Variants in HERPUD2 observed in about 807,000 individuals in gnomAD.
The protein encoded by HERPUD2 is HERPUD family member 2, also known as homocysteine-responsive endoplasmic reticulum-resident ubiquitin-like domain member 2 protein.
Under a neutral mutation model 49.9 loss-of-function variants are expected in HERPUD2, and 13 were observed. That is an observed-to-expected ratio of 0.26 (90% CI 0.17 to 0.41). HERPUD2 has a LOEUF of 0.41. Among genes scored for constraint, HERPUD2 ranks in the 10% least tolerant of loss-of-function variants. The pLI, the probability that HERPUD2 is intolerant of heterozygous loss-of-function variation, is 1.00. For synonymous variants in HERPUD2, 172 were observed against 171.4 expected, an observed-to-expected ratio of 1.00 and a Z score of -0.03; for missense variants, 449 against 492.2, an observed-to-expected ratio of 0.91 and a Z score of 0.83.
chr7:35,694,656 G>T, intron 1 of HERPUD2, 29 bp from the exon 2 acceptor site: 1 of 303,696 alleles, frequency 3.3e-6, no homozygotes, highest in South Asian at 4.1e-5. Flanking sequence ...GGAGGGATGA[G>T]GGCACAACGG....
chr7:35,687,434 T>C (rs1786087412), intron 2 of HERPUD2, among the ~76,000 whole-genome samples: 1 of 152,194 alleles, frequency 6.6e-6, no homozygotes, highest in Admixed American at 6.5e-5. Flanking sequence ...AAATGAAGCC[T>C]GGTCACAGAT....
intron 5 of HERPUD2, among the ~76,000 whole-genome samples, chr7:35,643,039 T>C (rs1784991428): frequency 6.6e-6 from 1 of 152,284 alleles, no homozygotes; most frequent in South Asian, 2.1e-4. Flanking sequence ...ATATGAAATA[T>C]GGAAAAAAAC....
At chr7:35,653,414 A>G (rs893851843) in intron 5 of HERPUD2, among the ~76,000 whole-genome samples, 1 of 152,262 alleles carries the variant, frequency 6.6e-6, no homozygotes, top group Non-Finnish European at 1.5e-5. Context: ...CAGACCACTC[A>G]GCTCTATCAA....
chr7:35,640,427 T>A (rs1157983091), intron 5 of HERPUD2, among the ~76,000 whole-genome samples: 1 of 152,204 alleles, frequency 6.6e-6, no homozygotes, highest in Non-Finnish European at 1.5e-5. Context: ...TAACCATTAC[T>A]TTTTTAAAAA....
At position 35,684,402 on chromosome 7, in the gene HERPUD2, G is replaced by T. The variant is rs369715361; in HGVS notation, c.147+9782C>A. On this transcript the variant is annotated intron_variant, in intron 2 of 8. Coordinates refer to ENST00000311350, the MANE Select transcript of HERPUD2 (RefSeq NM_022373.5). ...AAGACTCCACCTCAAAAAAGAAAAA[G>T]AAAAAAAAAAAAGATACTTGCACAA... 2.5e-4 allele frequency among the ~76,000 whole-genome samples: 32 copies of T among 128,732 alleles called. 1 individual carries two copies. The highest frequency in any genetic ancestry group is 4.7e-4 in the South Asian group (2 of 4,244). The allele number at this position is 128,732 out of a possible 152,430, so 84.5% of individuals were successfully genotyped here. A position where few individuals can be genotyped will look rare whatever the true frequency, so the allele number is the denominator to read the frequency against.
chr7:35,642,767 G>C (rs1392578584), intron 5 of HERPUD2, among the ~76,000 whole-genome samples: 1 of 152,146 alleles, frequency 6.6e-6, no homozygotes, highest in Non-Finnish European at 1.5e-5. Flanking sequence ...AGAACACATG[G>C]ACACAAAGAG....
chr7:35,694,127 T>C (rs1786260627), intron 2 of HERPUD2, 57 bp downstream of exon 2: 1 of 1,591,672 alleles, frequency 6.3e-7, no homozygotes, highest in African/African-American at 1.3e-5. Flanking sequence ...AAAAGGAGGG[T>C]ACACGGCACG....
chr7:35,694,542 T>G lies in HERPUD2; in HGVS notation c.-212A>C. 1 of 560,572 alleles carries G rather than the reference T, an allele frequency of 1.8e-6. No homozygotes were observed. The allele number at this position is 560,572 out of a possible 1,614,324, so 34.7% of individuals were successfully genotyped here. On this transcript the variant is annotated 5_prime_UTR_variant, in exon 2 of 9. Transcript: ENST00000311350. Reference sequence around the variant, plus strand: ...GGCGACTGCGACGGTGGGGTCTGGGTGCCCGGCCGTGGAGGCAGCTCTCCC... The same window carrying G: ...GGCGACTGCGACGGTGGGGTCTGGGGGCCCGGCCGTGGAGGCAGCTCTCCC...
At chr7:35,689,757 A>G (rs1035033687) in intron 2 of HERPUD2, among the ~76,000 whole-genome samples, 1 of 152,220 alleles carries the variant, frequency 6.6e-6, no homozygotes, top group Non-Finnish European at 1.5e-5. Context: ...CAGTATGAAC[A>G]GCAAAGACAG....
chr7:35,667,340 TTTAA>T, intron 5 of HERPUD2, 90 bp downstream of exon 5: 2 of 1,112,278 alleles, frequency 1.8e-6, no homozygotes, highest in Non-Finnish European at 2.6e-6. Context: ...TAAAATGTAC[TTTAA>T]TTACTGCAAA....
intron 2 of HERPUD2, among the ~76,000 whole-genome samples, chr7:35,682,242 CATACACACGTGTGTGTGTGTATAT>C (rs1785908335): frequency 1.0e-5 from 1 of 95,364 alleles, no homozygotes; most frequent in Non-Finnish European, 2.0e-5. Context: ...GATATATACA[CATACACACGTGTGTGTGTGTATAT>C]ATAGATATAT....
intron 5 of HERPUD2, among the ~76,000 whole-genome samples, chr7:35,666,381 A>T (rs996297050): frequency 6.6e-6 from 1 of 152,234 alleles, no homozygotes; most frequent in African/African-American, 2.4e-5. Flanking sequence ...TAACTGAATT[A>T]AGTTTAAAGT....
intron 3 of HERPUD2, among the ~76,000 whole-genome samples, chr7:35,670,777 C>A (rs1785626626): frequency 6.6e-6 from 1 of 151,932 alleles, no homozygotes; most frequent in Non-Finnish European, 1.5e-5. Context: ...ATTTTTTTTA[C>A]TCTTTTTTTC....
At chr7:35,640,426 C>G (rs1471369071) in intron 5 of HERPUD2, among the ~76,000 whole-genome samples, 3 of 152,156 alleles carry the variant, frequency 2.0e-5, no homozygotes, top group African/African-American at 7.2e-5. Context: ...CTAACCATTA[C>G]TTTTTTAAAA....
rs1784824681 is a variant in HERPUD2 at position 35,633,756 on chromosome 7, A to G, written c.1155T>C (p.Ala385=). 1 of 1,613,910 alleles carries G rather than the reference A, an allele frequency of 6.2e-7. No individual in the cohort carries two copies. The highest frequency in any genetic ancestry group is 8.5e-7 in the Non-Finnish European group (1 of 1,179,954). The part of the protein sequence containing the change: ...AIQRPGLMAS[A]WSFITTFFTS... ...TAAAGAAGGTGGTGATGAAAGACCA[A>G]GCTGAAGCCATTAATCCAGGCCTTT... The change falls in exon 9 of 9, where the codon GCT becomes GCC. Residue 385 remains alanine, a synonymous_variant. Coordinates refer to ENST00000311350, the MANE Select transcript of HERPUD2 (RefSeq NM_022373.5).
intron 6 of HERPUD2, 70 bp from the exon 7 acceptor site, chr7:35,635,528 CTTGGGGAGCTATATGTATTTT>C (rs1784857686): frequency 5.5e-6 from 7 of 1,261,612 alleles, no homozygotes; most frequent in Non-Finnish European, 7.6e-6. Flanking sequence ...TTTTAAACTT[CTTGGGGAGCTATATGTATTTT>C]TCATAAACCT....
At chr7:35,658,150 A>G (rs1785322705) in intron 5 of HERPUD2, among the ~76,000 whole-genome samples, 1 of 152,228 alleles carries the variant, frequency 6.6e-6, no homozygotes, top group African/African-American at 2.4e-5. Context: ...TTCACCGTAA[A>G]AGAGGATGAA....
At chr7:35,652,877 G>A (rs1400008516) in intron 5 of HERPUD2, among the ~76,000 whole-genome samples, 1 of 151,890 alleles carries the variant, frequency 6.6e-6, no homozygotes, top group Non-Finnish European at 1.5e-5. Flanking sequence ...AATTAAGGGA[G>A]CCCTATACCC....
chr7:35,659,021 A>C (rs1785350718), intron 5 of HERPUD2, among the ~76,000 whole-genome samples: 2 of 152,216 alleles, frequency 1.3e-5, no homozygotes. Context: ...TTCAGTTTTA[A>C]TACACTCACT....
Sources: allele counts gnomAD v4.1 joint callset (sites outside exome capture counted in the v4.1 genomes callset), GRCh38; gene constraint gnomAD v4.1.1; transcripts MANE v1.5; gene names NCBI Gene and HGNC (gene_info 2026-07-23, HGNC 2026-07-21).